Variants in ZNF366 observed in about 807,000 individuals in gnomAD.
The protein encoded by ZNF366 is dendritic cell-specific transcript protein.
Under a neutral mutation model 47.2 loss-of-function variants are expected in ZNF366, and 20 were observed. The observed-to-expected ratio is 0.42, with a 90% CI of 0.30 to 0.62. The LOEUF is 0.62. ZNF366 is among the 20% of genes least tolerant of loss of function. ZNF366 has a pLI of 0.16. For missense variants in ZNF366, 987 were observed against 976.3 expected, an observed-to-expected ratio of 1.01 and a Z score of -0.15; for synonymous variants, 421 against 395.1, an observed-to-expected ratio of 1.07 and a Z score of -0.78.
Position 72,447,292 on chromosome 5 carries a change from G to T in ZNF366, c.1650C>A (p.Arg550=). ...TGACTCCATGCTTGACTTTCATGTG[G>T]CGTGTCAGGTTCCCCTTCAGGGTGA... The part of the protein sequence containing the change: ...SKFTLKGNLT[R]HMKVKHGVME... The change falls in exon 4 of 5, where the codon CGC becomes CGA. Residue 550 remains arginine (R), a synonymous_variant. Coordinates refer to ENST00000318442, the MANE Select transcript of ZNF366 (RefSeq NM_152625.3). The T allele has an allele frequency of 6.2e-7, 1 of 1,614,206 alleles. No homozygotes were observed. Among genetic ancestry groups the T allele is most frequent in the Non-Finnish European group, 8.5e-7 (1 of 1,180,038 alleles).
At chr5:72,450,645 A>C (rs989892717) in intron 3 of ZNF366, among the ~76,000 whole-genome samples, 1 of 152,096 alleles carries the variant, frequency 6.6e-6, no homozygotes, top group African/African-American at 2.4e-5. Context: ...GCCAATTAAC[A>C]CAGGACCTGA....
intron 1 of ZNF366, among the ~76,000 whole-genome samples, chr5:72,462,547 C>CTTTCTTTCTTTCTTTCTTTCTTTCG (rs11275151): frequency 1.3e-5 from 1 of 78,916 alleles, no homozygotes; most frequent in Non-Finnish European, 2.2e-5. Flanking sequence ...TTCTTTCTTT[C>CTTTCTTTCTTTCTTTCTTTCTTTCG]TTTTTTTTTT....
At chr5:72,445,962 A>G (rs1742950464) in intron 4 of ZNF366, among the ~76,000 whole-genome samples, 1 of 152,220 alleles carries the variant, frequency 6.6e-6, no homozygotes, top group African/African-American at 2.4e-5. Flanking sequence ...CTCAGCGGGT[A>G]CTGTAAAAAA....
Position 72,460,261 on chromosome 5 carries a change from C to T in ZNF366, c.1236G>A (p.Met412Ile). Residue 412 changes from methionine to isoleucine, a missense_variant, in exon 2 of 5, where the codon ATG becomes ATA. Physicochemically the swap from Met to Ile is conservative, Grantham distance 10. Around this residue, in one of 3 missense-constraint regions of ZNF366, gnomAD observed 591 missense variants for 560.9 expected, o/e 1.05. Coordinates refer to ENST00000318442, the MANE Select transcript of ZNF366 (RefSeq NM_152625.3). Reference protein sequence around the residue: ...FQYPSQLQNHMMKHKDIRPYI... With the variant: ...FQYPSQLQNHIMKHKDIRPYI... ...AGGGCCGGATGTCCTTGTGCTTCAT[C>T]ATGTGGTTCTGCAGCTGGCTCGGGT... The T allele has an allele frequency of 6.2e-7, 1 of 1,614,178 alleles. No homozygotes were observed. Among genetic ancestry groups the T allele is most frequent in the East Asian group, 2.2e-5 (1 of 44,882 alleles).
intron 1 of ZNF366, among the ~76,000 whole-genome samples, chr5:72,492,451 AAAT>A (rs1744031792): frequency 2.6e-5 from 4 of 152,198 alleles, no homozygotes; most frequent in Admixed American, 2.0e-4. Flanking sequence ...CCCATGTGCG[AAAT>A]ACCTTTGTTA....
At chr5:72,445,286 C>T (rs754648318) in intron 4 of ZNF366, among the ~76,000 whole-genome samples, 6 of 152,024 alleles carry the variant, frequency 3.9e-5, no homozygotes, top group Non-Finnish European at 7.4e-5. Flanking sequence ...AGTCAGGCCT[C>T]CAGGGATGGG....
chr5:72,456,395 A>G lies in ZNF366; in HGVS notation c.1524+9T>C, dbSNP rs775685507. ...AACCCTCTGGTTCCTCTCTAGTCCC[A>G]CTGCCCACCTTGCATTTGAAAGGCT... is the stretch of plus-strand genomic sequence containing the variant. On this transcript the variant is annotated intron_variant, in intron 3 of 4. Transcript: ENST00000318442. 1 of 1,594,218 alleles carries G rather than the reference A, an allele frequency of 6.3e-7. No individual in the cohort carries two copies. Among genetic ancestry groups the G allele is most frequent in the Admixed American group, 1.7e-5 (1 of 59,604 alleles).
intron 1 of ZNF366, among the ~76,000 whole-genome samples, chr5:72,469,906 A>T (rs1743523409): frequency 6.6e-6 from 1 of 152,124 alleles, no homozygotes; most frequent in African/African-American, 2.4e-5. Flanking sequence ...TTAGCCAGGT[A>T]TGGTGGTATG....
chr5:72,461,531 G>C, intron 1 of ZNF366, 21 bp from the exon 2 acceptor site: 3 of 1,518,808 alleles, frequency 2.0e-6, no homozygotes, highest in Non-Finnish European at 2.6e-6. Flanking sequence ...AAAGAAACTT[G>C]TGTGTTTTGG....
chr5:72,500,092 T>C (rs984374155), intron 1 of ZNF366, among the ~76,000 whole-genome samples: 1 of 152,160 alleles, frequency 6.6e-6, no homozygotes, highest in African/African-American at 2.4e-5. Context: ...TGGACTGGCG[T>C]CTCCTCTTTG....
chr5:72,464,281 G>A (rs1041288013), intron 1 of ZNF366, among the ~76,000 whole-genome samples: 9 of 152,104 alleles, frequency 5.9e-5, no homozygotes, highest in South Asian at 4.1e-4. Flanking sequence ...TTTATACAAC[G>A]TGCTGTAGCT....
chr5:72,482,667 G>C (rs2112345062), intron 1 of ZNF366, among the ~76,000 whole-genome samples: 1 of 152,008 alleles, frequency 6.6e-6, no homozygotes, highest in Admixed American at 6.5e-5. Context: ...TCCACCACAG[G>C]CTCCGGAGAG....
intron 3 of ZNF366, among the ~76,000 whole-genome samples, chr5:72,453,916 T>A (rs1217932722): frequency 6.6e-6 from 1 of 152,206 alleles, no homozygotes; most frequent in Non-Finnish European, 1.5e-5. Context: ...TCTTTTTGTC[T>A]GATGATAGAT....
chr5:72,468,876 C>A (rs1263656134), intron 1 of ZNF366, among the ~76,000 whole-genome samples: 1 of 152,128 alleles, frequency 6.6e-6, no homozygotes, highest in Non-Finnish European at 1.5e-5. Flanking sequence ...ACCCTCAGAG[C>A]TAGTATATCT....
chr5:72,468,757 T>C (rs1743486734), intron 1 of ZNF366, among the ~76,000 whole-genome samples: 1 of 152,162 alleles, frequency 6.6e-6, no homozygotes, highest in African/African-American at 2.4e-5. Flanking sequence ...GTGAATATAA[T>C]TATTTGAGCT....
rs577762280 is a variant in ZNF366 at position 72,443,620 on chromosome 5, T to A, written c.*136A>T. On this transcript the variant is annotated 3_prime_UTR_variant, in exon 5 of 5. Transcript: ENST00000318442. ...CTGAGAAGGCTTTCCATTACCTACA[T>A]CCCTGCTCATTTAGTCTAAGCCATT... 6.1e-5 allele frequency: 58 copies of A among 954,000 alleles called. No homozygotes were observed. In the African/African-American group the frequency reaches 7.6e-4, roughly 12 times the overall value. 59.1% of individuals were successfully genotyped at this position (954,000 alleles called of 1,614,324 possible).
chr5:72,443,634 G>C lies in ZNF366; in HGVS notation c.*122C>G. 1.8e-6 allele frequency: 2 copies of C among 1,114,898 alleles called. No individual in the cohort carries two copies. The highest frequency in any genetic ancestry group is 1.3e-6 in the Non-Finnish European group (1 of 799,366). 69.1% of individuals were successfully genotyped at this position (1,114,898 alleles called of 1,614,324 possible). ...CATTACCTACATCCCTGCTCATTTA[G>C]TCTAAGCCATTTGTAGAGATTGGTA... is the stretch of plus-strand genomic sequence containing the variant. On this transcript the variant is annotated 3_prime_UTR_variant, in exon 5 of 5. Coordinates refer to ENST00000318442, the MANE Select transcript of ZNF366 (RefSeq NM_152625.3).
In ZNF366 at chr5:72,443,735, T is replaced by G; in HGVS notation, c.*21A>C. The G allele has an allele frequency of 6.3e-7, 1 of 1,589,834 alleles. No homozygotes were observed. The highest frequency in any genetic ancestry group is 8.6e-7 in the Non-Finnish European group (1 of 1,168,838). On this transcript the variant is annotated 3_prime_UTR_variant, in exon 5 of 5. Transcript: ENST00000318442. ...AACTGCCTCCTTCTCATTTTCCAAATGTAATTTTAAAACTGTCCACTTAGA... is the reference window on the plus strand; with the variant it reads ...AACTGCCTCCTTCTCATTTTCCAAAGGTAATTTTAAAACTGTCCACTTAGA...
chr5:72,507,309 C>T lies in ZNF366; in HGVS notation c.-73G>A, dbSNP rs1411870590. 1.0e-6 allele frequency: 1 copy of T among 985,468 alleles called. No homozygotes were observed. Among genetic ancestry groups the T allele is most frequent in the Non-Finnish European group, 1.2e-6 (1 of 830,050 alleles). The allele number at this position is 985,468 out of a possible 1,614,324, so 61.0% of individuals were successfully genotyped here. A position where few individuals can be genotyped will look rare whatever the true frequency, so the allele number is the denominator to read the frequency against. ...CACTCCTTTACCTGATCCCTGCTCT[C>T]TCTGTCTCTCTCCCTCTCTCTCTCC... On this transcript the variant is annotated 5_prime_UTR_variant, in exon 1 of 5. Transcript: ENST00000318442.
Sources: allele counts gnomAD v4.1 joint callset (sites outside exome capture counted in the v4.1 genomes callset), GRCh38; gene constraint gnomAD v4.1.1; regional missense constraint gnomAD v4.1.1; transcripts MANE v1.5; gene names NCBI Gene and HGNC (gene_info 2026-07-23, HGNC 2026-07-21).